Variants in RORA observed in about 807,000 individuals in gnomAD.
The protein encoded by RORA is RAR related orphan receptor A.
RORA carries 7 observed loss-of-function variants against 69.5 expected under a neutral mutation model. That is an observed-to-expected ratio of 0.10 (90% CI 0.06 to 0.19). RORA has a LOEUF of 0.19. Ranked by LOEUF, RORA falls within the 10% of genes least tolerant of loss-of-function variation. The probability of loss-of-function intolerance (pLI) is 1.00; values close to 1 mark genes in which losing one functional copy is unlikely to be tolerated. For synonymous variants in RORA, 261 were observed against 240.8 expected, an observed-to-expected ratio of 1.08 and a Z score of -0.78; for missense variants, 457 against 663.0, an observed-to-expected ratio of 0.69 and a Z score of 3.41.
intron 1 of RORA, among the ~76,000 whole-genome samples, chr15:61,179,621 G>A (rs1321285936): frequency 6.6e-6 from 1 of 152,074 alleles, no homozygotes; most frequent in East Asian, 1.9e-4. Context: ...GTATAAAGGG[G>A]TCACGAGATC....
chr15:60,516,160 T>TA (rs2065921897), intron 3 of RORA, among the ~76,000 whole-genome samples: 1 of 31,740 alleles, frequency 3.2e-5, no homozygotes. Flanking sequence ...TATATATATA[T>TA]TTATATATAT....
intron 1 of RORA, among the ~76,000 whole-genome samples, chr15:61,093,775 G>C (rs572795122): frequency 1.3e-5 from 2 of 152,304 alleles, no homozygotes; most frequent in African/African-American, 4.8e-5. Flanking sequence ...GGTGAAAAAG[G>C]AGCAGGCACA....
chr15:60,958,921 C>G (rs184124997), intron 1 of RORA, among the ~76,000 whole-genome samples: 14 of 152,202 alleles, frequency 9.2e-5, no homozygotes, highest in African/African-American at 3.4e-4. Flanking sequence ...CTCACAGAGG[C>G]AATGGCCCAT....
At chr15:60,701,024 C>G (rs1273182157) in intron 1 of RORA, among the ~76,000 whole-genome samples, 7 of 152,164 alleles carry the variant, frequency 4.6e-5, no homozygotes. Flanking sequence ...GAAGGAGGCA[C>G]CTTTTAAAAA....
rs1420456954 is a variant in RORA at position 60,495,403 on chromosome 15, C to T, written c.*2052G>A. 1 of 152,178 alleles carries T rather than the reference C, an allele frequency of 6.6e-6. No individual in the cohort carries two copies. Among genetic ancestry groups the T allele is most frequent in the Non-Finnish European group, 1.5e-5 (1 of 68,018 alleles). The allele number at this position is 152,178 out of a possible 1,614,324, so 9.4% of individuals were successfully genotyped here. On this transcript the variant is annotated 3_prime_UTR_variant, in exon 11 of 11. Coordinates refer to ENST00000335670, the MANE Select transcript of RORA (RefSeq NM_134261.3). ...TATTACTCTTCTATTTATGGTTAAA[C>T]TCTTACTATGTTTTTGGAAAAAAAG...
intron 1 of RORA, among the ~76,000 whole-genome samples, chr15:61,155,881 C>G (rs554225589): frequency 6.6e-6 from 1 of 152,100 alleles, no homozygotes. Flanking sequence ...GGAAGGAGAC[C>G]CCGCGTTTCA....
At chr15:61,022,074 A>C (rs1179262602) in intron 1 of RORA, among the ~76,000 whole-genome samples, 1 of 152,216 alleles carries the variant, frequency 6.6e-6, no homozygotes, top group Non-Finnish European at 1.5e-5. Context: ...ATCTGTAAAG[A>C]GTGGGAAAGG....
chr15:61,079,156 T>C (rs1397232100), intron 1 of RORA, among the ~76,000 whole-genome samples: 1 of 152,210 alleles, frequency 6.6e-6, no homozygotes, highest in Non-Finnish European at 1.5e-5. Flanking sequence ...GTACTAGCTC[T>C]AATCTACGAC....
In RORA at chr15:60,497,324, G is replaced by C. The variant is rs965963906; in HGVS notation, c.*131C>G. The C allele has an allele frequency of 1.5e-6, 1 of 674,046 alleles. No homozygotes were observed. The highest frequency in any genetic ancestry group is 2.8e-5 in the East Asian group (1 of 35,962). 41.8% of individuals were successfully genotyped at this position (674,046 alleles called of 1,614,324 possible). A position where few individuals can be genotyped will look rare whatever the true frequency, so the allele number is the denominator to read the frequency against. On this transcript the variant is annotated 3_prime_UTR_variant, in exon 11 of 11. Coordinates refer to ENST00000335670, the MANE Select transcript of RORA (RefSeq NM_134261.3). The stretch of plus-strand genomic sequence containing the variant: ...TGTTTCCCCTCCTTTGCCTGACCCC[G>C]ATCACCAAAAGATGTGCAGTGTGTG...
At chr15:60,754,753 T>C (rs1037872691) in intron 1 of RORA, among the ~76,000 whole-genome samples, 1 of 152,184 alleles carries the variant, frequency 6.6e-6, no homozygotes, top group Non-Finnish European at 1.5e-5. Flanking sequence ...TCCTTTCTTA[T>C]ACAGATGAGG....
intron 1 of RORA, among the ~76,000 whole-genome samples, chr15:60,993,644 C>CAGAAA (rs1491151462): frequency 1.2e-5 from 1 of 83,076 alleles, no homozygotes; most frequent in Non-Finnish European, 2.2e-5. Context: ...CTCTCCATCT[C>CAGAAA]AAAAAAAAAA....
chr15:60,557,577 G>A (rs2067405561), intron 2 of RORA, among the ~76,000 whole-genome samples: 1 of 152,200 alleles, frequency 6.6e-6, no homozygotes. Context: ...AGGAAATTCT[G>A]TACTTGGTCC....
At chr15:60,972,804 T>G (rs1026412229) in intron 1 of RORA, among the ~76,000 whole-genome samples, 2 of 152,350 alleles carry the variant, frequency 1.3e-5, no homozygotes, top group Non-Finnish European at 2.9e-5. Flanking sequence ...GCATGTTGAT[T>G]CGTCAGCATA....
rs1175014016 is a variant in RORA at position 61,055,126 on chromosome 15, C to T, written c.166+173927G>A. ...TGCTGGGATTATAGGTGTGAGCCAC[C>T]GTGCCCGGCCTAAAACACAGTCTTG... On this transcript the variant is annotated intron_variant, in intron 1 of 10. Transcript: ENST00000335670. Among the ~76,000 whole-genome samples the T allele has an allele frequency of 3.9e-5, 6 of 152,162 alleles. No homozygotes were observed. In the South Asian group the frequency reaches 6.2e-4, roughly 16 times the overall value.
intron 1 of RORA, among the ~76,000 whole-genome samples, chr15:60,777,120 C>T (rs1268694996): frequency 3.9e-5 from 6 of 152,156 alleles, no homozygotes; most frequent in Admixed American, 1.3e-4. Flanking sequence ...CTCTAAAACA[C>T]CAGGAGCCCT....
At chr15:60,968,118 G>C (rs1043589419) in intron 1 of RORA, among the ~76,000 whole-genome samples, 114 of 152,180 alleles carry the variant, frequency 7.5e-4, no homozygotes, top group Non-Finnish European at 1.5e-3. Context: ...CTATTCCAGA[G>C]ACTGTGTGAA....
chr15:60,598,595 T>A (rs1441596009), intron 2 of RORA: 1 of 152,250 alleles, frequency 6.6e-6, no homozygotes, highest in African/African-American at 2.4e-5. Flanking sequence ...ATACAATATA[T>A]AATACATATA....
chr15:60,600,036 T>C (rs80306494), intron 2 of RORA, among the ~76,000 whole-genome samples: 3,784 of 152,352 alleles, frequency 0.025, 166 homozygotes, highest in East Asian at 0.21. Context: ...TGGAATGTTA[T>C]TTGATTTTGT....
chr15:60,591,220 C>G (rs1306640982), intron 2 of RORA, among the ~76,000 whole-genome samples: 1 of 152,208 alleles, frequency 6.6e-6, no homozygotes, highest in Non-Finnish European at 1.5e-5. Context: ...CTCTAAATCC[C>G]CAAGCCTGGC....
Sources: gnomAD v4.1 joint callset for allele counts (sites outside exome capture counted in the v4.1 genomes callset) on GRCh38, gnomAD v4.1.1 for gene constraint, MANE v1.5 for transcripts, NCBI Gene and HGNC (gene_info 2026-07-23, HGNC 2026-07-21) for gene names.